PTPRK: variants seen among roughly 807,000 people sequenced by gnomAD.
PTPRK encodes the protein protein tyrosine phosphatase receptor type K.
In PTPRK, 75 loss-of-function variants were observed where a neutral mutation model predicts 178.0. That is an observed-to-expected ratio of 0.42 (90% CI 0.35 to 0.51). The LOEUF (loss-of-function observed/expected upper bound fraction) is 0.51. Among genes scored for constraint, PTPRK ranks in the 20% least tolerant of loss-of-function variants. The pLI is 0.02. For synonymous variants in PTPRK, 637 were observed against 620.6 expected (o/e 1.03, Z -0.39); for missense variants, 1,441 against 1,797.8 (o/e 0.80, Z 3.59).
intron 15 of PTPRK, chr6:128,004,883 T>G: frequency 1.9e-6 from 1 of 526,148 alleles, no homozygotes; most frequent in Non-Finnish European, 3.3e-6. Context: ...TTCATAGAGT[T>G]TGAAGTTAAA....
chr6:128,083,811 T>C lies in PTPRK; in HGVS notation c.1479A>G (p.Val493=). Residue 493 remains valine (V), a synonymous_variant, in exon 9 of 30, where the codon GTA becomes GTG. Coordinates refer to ENST00000368226, the MANE Select transcript of PTPRK (RefSeq NM_002844.4). ...ATGTTCCTTGAAGAGATTTTACTGG[T>C]ACGGGACCAGGCACTACAAAACACA... is the stretch of plus-strand genomic sequence containing the variant. ...IQTDEDVPGP[V]PVKSLQGTSF... 1 of 1,594,718 alleles carries C rather than the reference T, an allele frequency of 6.3e-7. No individual in the cohort carries two copies. The highest frequency in any genetic ancestry group is 1.3e-5 in the African/African-American group (1 of 74,088).
intron 15 of PTPRK, among the ~76,000 whole-genome samples, chr6:128,002,713 C>T (rs935177254): frequency 2.0e-4 from 31 of 151,924 alleles, no homozygotes; most frequent in African/African-American, 7.5e-4. Flanking sequence ...GCAACTTTAC[C>T]TACATTAAAA....
At chr6:128,095,764 T>C (rs1052642172) in intron 7 of PTPRK, among the ~76,000 whole-genome samples, 2 of 152,330 alleles carry the variant, frequency 1.3e-5, no homozygotes, top group East Asian at 3.9e-4. Flanking sequence ...TAAAATCCAG[T>C]GCTCTTCCAT....
intron 1 of PTPRK, among the ~76,000 whole-genome samples, chr6:128,516,617 G>A (rs967325477): frequency 3.4e-4 from 51 of 152,186 alleles, no homozygotes; most frequent in Admixed American, 2.0e-3. Flanking sequence ...GTCAGATACT[G>A]CTCAGGTGCT....
At chr6:128,430,012 G>A (rs1844628807) in intron 1 of PTPRK, among the ~76,000 whole-genome samples, 2 of 152,264 alleles carry the variant, frequency 1.3e-5, no homozygotes, top group Admixed American at 1.3e-4. Flanking sequence ...GATTTTACAT[G>A]GAATTGTGAT....
intron 2 of PTPRK, among the ~76,000 whole-genome samples, chr6:128,362,499 A>T (rs1191987466): frequency 6.6e-6 from 1 of 152,200 alleles, no homozygotes; most frequent in Non-Finnish European, 1.5e-5. Flanking sequence ...ATCATTTTAC[A>T]TATATACTAT....
At chr6:128,159,310 T>C (rs906517986) in intron 7 of PTPRK, among the ~76,000 whole-genome samples, 1 of 151,854 alleles carries the variant, frequency 6.6e-6, no homozygotes, top group Admixed American at 6.6e-5. Context: ...ATTTATTATG[T>C]TTTTGATCCA....
intron 3 of PTPRK, among the ~76,000 whole-genome samples, chr6:128,247,316 T>C (rs1221212821): frequency 6.6e-6 from 1 of 152,104 alleles, no homozygotes; most frequent in Non-Finnish European, 1.5e-5. Flanking sequence ...ATTTAACTCA[T>C]ATTCTTTTTC....
At chr6:128,028,531 G>A (rs1359472704) in intron 13 of PTPRK, among the ~76,000 whole-genome samples, 1 of 152,122 alleles carries the variant, frequency 6.6e-6, no homozygotes, top group African/African-American at 2.4e-5. Flanking sequence ...ATGTCTAACT[G>A]CAAACCTCTG....
At chr6:128,148,508 A>G (rs1327383778) in intron 7 of PTPRK, among the ~76,000 whole-genome samples, 1 of 152,136 alleles carries the variant, frequency 6.6e-6, no homozygotes, top group Non-Finnish European at 1.5e-5. Flanking sequence ...TTATTGTAGA[A>G]GGTGATCCTC....
At chr6:128,297,710 G>A (rs1824737897) in intron 3 of PTPRK, among the ~76,000 whole-genome samples, 2 of 152,040 alleles carry the variant, frequency 1.3e-5, no homozygotes, top group Non-Finnish European at 2.9e-5. Context: ...AGAATCTCTG[G>A]GACACATTCA....
At chr6:128,455,745 G>A (rs1848307907) in intron 1 of PTPRK, among the ~76,000 whole-genome samples, 1 of 152,118 alleles carries the variant, frequency 6.6e-6, no homozygotes, top group African/African-American at 2.4e-5. Flanking sequence ...AAGATATACA[G>A]TCATTTTAGA....
chr6:128,417,432 C>T (rs1842970963), intron 1 of PTPRK, among the ~76,000 whole-genome samples: 1 of 152,126 alleles, frequency 6.6e-6, no homozygotes, highest in Admixed American at 6.6e-5. Flanking sequence ...GTTTATACAC[C>T]ATTTGTACAT....
intron 2 of PTPRK, among the ~76,000 whole-genome samples, chr6:128,338,797 G>C (rs1273997128): frequency 6.6e-6 from 1 of 152,122 alleles, no homozygotes; most frequent in Non-Finnish European, 1.5e-5. Flanking sequence ...TGGCTGAAAA[G>C]GTGAGTGTTT....
intron 5 of PTPRK, chr6:128,232,264 T>G (rs1460058879): frequency 6.6e-6 from 1 of 152,246 alleles, no homozygotes; most frequent in African/African-American, 2.4e-5. Flanking sequence ...AATCAAGTCT[T>G]CTCTAATGAT....
intron 21 of PTPRK, among the ~76,000 whole-genome samples, chr6:127,989,240 G>C (rs1776316287): frequency 6.6e-6 from 1 of 151,932 alleles, no homozygotes; most frequent in South Asian, 2.1e-4. Context: ...ATATGAGCTA[G>C]TTATTCATTA....
At chr6:128,373,392 T>G (rs1836573591) in intron 2 of PTPRK, among the ~76,000 whole-genome samples, 1 of 152,182 alleles carries the variant, frequency 6.6e-6, no homozygotes, top group Admixed American at 6.5e-5. Context: ...ACACAATGCC[T>G]TGGCTTCCAT....
intron 5 of PTPRK, 149 bp downstream of exon 5, chr6:128,239,886 T>C (rs915945843): frequency 8.3e-6 from 4 of 480,210 alleles, no homozygotes; most frequent in East Asian, 3.4e-5. Flanking sequence ...GAATCTGTAA[T>C]TAAACTCACG....
intron 1 of PTPRK, among the ~76,000 whole-genome samples, chr6:128,485,519 T>C (rs1455260303): frequency 6.6e-6 from 1 of 152,166 alleles, no homozygotes; most frequent in Non-Finnish European, 1.5e-5. Flanking sequence ...CAAAGGCAAG[T>C]TCCCAGTCAT....
Sources: allele counts gnomAD v4.1 joint callset (sites outside exome capture counted in the v4.1 genomes callset), GRCh38; gene constraint gnomAD v4.1.1; transcripts MANE v1.5; gene names NCBI Gene and HGNC (gene_info 2026-07-23, HGNC 2026-07-21).